PPP2R5C: variants seen among roughly 807,000 people sequenced by gnomAD.
PPP2R5C encodes protein phosphatase 2 regulatory subunit B'gamma, also known as serine/threonine-protein phosphatase 2A 56 kDa regulatory subunit gamma isoform.
PPP2R5C carries 7 observed loss-of-function variants against 68.9 expected under a neutral mutation model. The ratio of observed to expected loss-of-function variants is 0.10; its 90% CI spans 0.06 to 0.19. PPP2R5C has a LOEUF of 0.19. Ranked by LOEUF, PPP2R5C falls within the 10% of genes least tolerant of loss-of-function variation. The pLI, the probability that PPP2R5C is intolerant of heterozygous loss-of-function variation, is 1.00. For missense variants in PPP2R5C, 348 were observed against 641.3 expected, an observed-to-expected ratio of 0.54 and a Z score of 4.94; for synonymous variants, 210 against 222.2, an observed-to-expected ratio of 0.95 and a Z score of 0.49.
At chr14:101,798,255 A>C (rs960728464) in intron 3 of PPP2R5C, among the ~76,000 whole-genome samples, 14 of 152,220 alleles carry the variant, frequency 9.2e-5, no homozygotes, top group African/African-American at 2.4e-5. Flanking sequence ...AATTACAATA[A>C]AATGTCTTCA....
intron 11 of PPP2R5C, among the ~76,000 whole-genome samples, chr14:101,910,401 ATGTG>A (rs34403296): frequency 2.6e-5 from 4 of 151,302 alleles, no homozygotes; most frequent in South Asian, 2.1e-4. Context: ...GTGTGTATCT[ATGTG>A]TGTGTGTGTG....
intron 2 of PPP2R5C, among the ~76,000 whole-genome samples, chr14:101,863,268 A>G (rs1414215508): frequency 6.6e-6 from 1 of 151,758 alleles, no homozygotes; most frequent in African/African-American, 2.4e-5. Context: ...AGATTGAGCC[A>G]CTGCACTCCA....
At chr14:101,818,950 A>G in intron 1 of PPP2R5C, 1 of 1,441,110 alleles carries the variant, frequency 6.9e-7, no homozygotes, top group South Asian at 1.2e-5. Context: ...TAATTATGGT[A>G]TTTTAACTTA....
chr14:101,870,383 G>A (rs1250609844), intron 2 of PPP2R5C, among the ~76,000 whole-genome samples: 1 of 152,108 alleles, frequency 6.6e-6, no homozygotes, highest in Non-Finnish European at 1.5e-5. Context: ...TTTGGCGTAT[G>A]GATTTCCAAT....
intron 9 of PPP2R5C, among the ~76,000 whole-genome samples, chr14:101,903,865 G>A (rs1019747922): frequency 3.3e-5 from 5 of 151,724 alleles, no homozygotes; most frequent in African/African-American, 7.3e-5. Context: ...TAGTAGAGAC[G>A]GGGTTTCACC....
intron 2 of PPP2R5C, among the ~76,000 whole-genome samples, chr14:101,773,164 G>T (rs1245481317): frequency 6.6e-6 from 1 of 152,202 alleles, no homozygotes; most frequent in Non-Finnish European, 1.5e-5. Flanking sequence ...CACTCGTGGA[G>T]TTTGCCTCCA....
intron 5 of PPP2R5C, among the ~76,000 whole-genome samples, chr14:101,887,107 T>A (rs191742788): frequency 4.6e-5 from 7 of 152,248 alleles, no homozygotes; most frequent in African/African-American, 1.7e-4. Context: ...TGGCTCAACT[T>A]AACTGAAAAT....
chr14:101,919,290 T>A (rs1218305007), intron 13 of PPP2R5C, among the ~76,000 whole-genome samples: 1 of 152,246 alleles, frequency 6.6e-6, no homozygotes, highest in Non-Finnish European at 1.5e-5. Context: ...CTGAAAATAC[T>A]AGAAATACAG....
chr14:101,903,906 CCT>C (rs2045869800), intron 9 of PPP2R5C, among the ~76,000 whole-genome samples: 1 of 152,024 alleles, frequency 6.6e-6, no homozygotes, highest in Non-Finnish European at 1.5e-5. Flanking sequence ...CAACTCCCAG[CCT>C]CATGATCCGC....
At chr14:101,894,973 CT>C (rs2045216290) in intron 8 of PPP2R5C, among the ~76,000 whole-genome samples, 1 of 152,136 alleles carries the variant, frequency 6.6e-6, no homozygotes, top group Admixed American at 6.5e-5. Context: ...GCTTTACCGC[CT>C]TGAAAATACT....
At chr14:101,778,359 T>C (rs1417938192) in intron 2 of PPP2R5C, among the ~76,000 whole-genome samples, 1 of 152,168 alleles carries the variant, frequency 6.6e-6, no homozygotes, top group Non-Finnish European at 1.5e-5. Context: ...ATTCTGTGGG[T>C]TTTTTCACTT....
At chr14:101,773,707 T>C (rs866597341) in intron 2 of PPP2R5C, among the ~76,000 whole-genome samples, 2 of 152,142 alleles carry the variant, frequency 1.3e-5, no homozygotes, top group Middle Eastern at 6.8e-3. Flanking sequence ...TGGGGTTTTG[T>C]TTTTAGAGAC....
upstream of PPP2R5C, chr14:101,809,894 G>A: frequency 2.5e-6 from 4 of 1,587,050 alleles, no homozygotes; most frequent in Non-Finnish European, 3.4e-6. Flanking sequence ...TAAAATGGAG[G>A]CTGGTTTCTT....
intron 2 of PPP2R5C, among the ~76,000 whole-genome samples, chr14:101,860,550 C>T (rs1465386964): frequency 6.6e-6 from 1 of 152,158 alleles, no homozygotes; most frequent in Non-Finnish European, 1.5e-5. Context: ...TGGGCATATA[C>T]CTAGGAGTAG....
intron 8 of PPP2R5C, among the ~76,000 whole-genome samples, chr14:101,900,047 A>G (rs1595507606): frequency 6.6e-6 from 1 of 151,418 alleles, no homozygotes; most frequent in African/African-American, 2.4e-5. Context: ...TCACCACACC[A>G]GGCTAATTTT....
At chr14:101,896,602 C>T (rs924908395) in intron 8 of PPP2R5C, among the ~76,000 whole-genome samples, 17 of 131,560 alleles carry the variant, frequency 1.3e-4, no homozygotes, top group Admixed American at 8.9e-5. Context: ...GGCATGATGG[C>T]GTGTGCCTGG....
intron 2 of PPP2R5C, among the ~76,000 whole-genome samples, chr14:101,858,974 C>A (rs1032057058): frequency 6.6e-6 from 1 of 152,166 alleles, no homozygotes; most frequent in African/African-American, 2.4e-5. Flanking sequence ...GTCATCATTG[C>A]CTCTCCTCTC....
chr14:101,893,293 C>G (rs2045079676), intron 7 of PPP2R5C, among the ~76,000 whole-genome samples, 185 bp downstream of exon 9: 1 of 152,112 alleles, frequency 6.6e-6, no homozygotes, highest in Admixed American at 6.5e-5. Flanking sequence ...TTAAGAAATT[C>G]AGAAAAATCT....
intron 1 of PPP2R5C, among the ~76,000 whole-genome samples, chr14:101,811,195 AT>A (rs1261197849): frequency 2.6e-5 from 4 of 152,228 alleles, no homozygotes; most frequent in African/African-American, 9.6e-5. Flanking sequence ...CAATGACCAA[AT>A]TGTAGGACAG....
Sources: gnomAD v4.1 joint callset for allele counts (sites outside exome capture counted in the v4.1 genomes callset) on GRCh38, gnomAD v4.1.1 for gene constraint, MANE v1.5 for transcripts, NCBI Gene and HGNC (gene_info 2026-07-23, HGNC 2026-07-21) for gene names.